PCDH15: variants seen among roughly 807,000 people sequenced by gnomAD.
PCDH15 encodes the protein protocadherin-15.
A neutral mutation model predicts 178.5 loss-of-function variants in PCDH15; 129 were observed. The ratio of observed to expected loss-of-function variants is 0.72; its 90% confidence interval spans 0.63 to 0.84. The LOEUF (loss-of-function observed/expected upper bound fraction) is 0.84, where lower values mean the gene tolerates loss of function less well. Ranked by LOEUF, PCDH15 falls within the 40% of genes least tolerant of loss-of-function variation. The probability of loss-of-function intolerance (pLI) is 0.00; values close to 1 mark genes in which losing one functional copy is unlikely to be tolerated. For synonymous variants in PCDH15, 800 were observed against 732.0 expected (o/e 1.09, Z -1.50); for missense variants, 2,230 against 2,099.9 (o/e 1.06, Z -1.21).
intron 29 of PCDH15, among the ~76,000 whole-genome samples, chr10:53,833,089 TTAGA>T (rs1295435184): frequency 6.6e-6 from 1 of 152,050 alleles, no homozygotes; most frequent in Non-Finnish European, 1.5e-5. Flanking sequence ...GAATTGTTTA[TTAGA>T]TAAAGGAAGA....
At chr10:54,903,697 C>T (rs1054627135) in intron 2 of PCDH15, among the ~76,000 whole-genome samples, 1 of 151,946 alleles carries the variant, frequency 6.6e-6, no homozygotes, top group Non-Finnish European at 1.5e-5. Flanking sequence ...GTAGGTATGA[C>T]CATGAAATTT....
At chr10:54,489,077 T>C (rs1049623509) in intron 3 of PCDH15, among the ~76,000 whole-genome samples, 1 of 152,096 alleles carries the variant, frequency 6.6e-6, no homozygotes, top group African/African-American at 2.4e-5. Context: ...CAGAGTTGTT[T>C]CCTGTGTGTT....
chr10:54,338,922 C>T (rs760269192), intron 6 of PCDH15, among the ~76,000 whole-genome samples: 1 of 152,096 alleles, frequency 6.6e-6, no homozygotes, highest in East Asian at 1.9e-4. Context: ...TCTTATCAAT[C>T]TTGCTAACAA....
intron 1 of PCDH15, among the ~76,000 whole-genome samples, chr10:54,752,488 AAAACAAAAAAC>A (rs1355303211): frequency 1.1e-5 from 1 of 92,008 alleles, no homozygotes; most frequent in African/African-American, 3.8e-5. Flanking sequence ...AAAAAAAAAA[AAAACAAAAAAC>A]AAAAAACAAA....
chr10:54,152,524 G>GA (rs990166985), intron 14 of PCDH15, among the ~76,000 whole-genome samples: 8 of 151,526 alleles, frequency 5.3e-5, no homozygotes, highest in African/African-American at 1.7e-4. Context: ...ATTGTGAATG[G>GA]AAAAAAACCC....
At chr10:53,985,979 C>T (rs552953079) in intron 21 of PCDH15, among the ~76,000 whole-genome samples, 11 of 152,106 alleles carry the variant, frequency 7.2e-5, no homozygotes, top group African/African-American at 2.7e-4. Flanking sequence ...TCACAGCAAC[C>T]CTATAAAGTA....
At chr10:55,500,351 T>C (rs1391504184) in intron 2 of PCDH15, among the ~76,000 whole-genome samples, 2 of 116,538 alleles carry the variant, frequency 1.7e-5, no homozygotes, top group Non-Finnish European at 3.8e-5. Context: ...TATTATCTTA[T>C]TTTTTAGATT....
chr10:55,175,090 T>C (rs1479100129), intron 1 of PCDH15, among the ~76,000 whole-genome samples: 2 of 151,770 alleles, frequency 1.3e-5, no homozygotes, highest in South Asian at 2.1e-4. Flanking sequence ...CCTTATCCAA[T>C]TGGAAAAACA....
intron 3 of PCDH15, among the ~76,000 whole-genome samples, chr10:54,818,712 G>A (rs181927653): frequency 1.5e-3 from 223 of 151,890 alleles, no homozygotes; most frequent in African/African-American, 5.1e-3. Flanking sequence ...CCCCCTCCCC[G>A]AGTGTTTTTG....
intron 3 of PCDH15, among the ~76,000 whole-genome samples, chr10:54,810,251 A>C (rs562842317): frequency 2.0e-5 from 3 of 152,136 alleles, no homozygotes; most frequent in Non-Finnish European, 4.4e-5. Flanking sequence ...TCGGATTCTC[A>C]TTCTTATCTC....
rs543645920 is a variant in PCDH15 at position 55,577,599 on chromosome 10, G to A, written c.-156+50026C>T. On this transcript the variant is annotated intron_variant, in intron 2 of 5. Coordinates refer to the PCDH15 transcript ENST00000613346. ...TTATGGCATTGTTTTATATAAAAAC[G>A]AAAAACACTGTTCTTATGGGTAACC... Among the ~76,000 whole-genome samples, 259 of 151,994 alleles carry A rather than the reference G, an allele frequency of 1.7e-3. 3 individuals carry two copies. Among genetic ancestry groups the A allele is most frequent in the African/African-American group, 6.1e-3 (252 of 41,488 alleles).
At chr10:55,610,916 T>C (rs1340677070) in intron 2 of PCDH15, among the ~76,000 whole-genome samples, 1 of 152,044 alleles carries the variant, frequency 6.6e-6, no homozygotes, top group African/African-American at 2.4e-5. Context: ...AGAGTGAAAT[T>C]ATACCTAAGC....
chr10:55,573,883 T>C (rs576739239), intron 2 of PCDH15, among the ~76,000 whole-genome samples: 1 of 151,894 alleles, frequency 6.6e-6, no homozygotes, highest in South Asian at 2.1e-4. Context: ...TTGTATATTA[T>C]TATAACGTTT....
intron 21 of PCDH15, among the ~76,000 whole-genome samples, chr10:53,965,577 G>A (rs2593135): frequency 0.71 from 107,755 of 152,020 alleles, 38,539 homozygotes; most frequent in East Asian, 0.87. Context: ...GAGCAAAAGT[G>A]CTTGGCAAAG....
At chr10:54,406,949 TA>T in intron 3 of PCDH15, among the ~76,000 whole-genome samples, 1 of 152,260 alleles carries the variant, frequency 6.6e-6, no homozygotes, top group African/African-American at 2.4e-5. Flanking sequence ...ACATTAATTA[TA>T]AACTGGAAGA....
intron 3 of PCDH15, among the ~76,000 whole-genome samples, chr10:54,880,779 G>T (rs957037601): frequency 3.4e-5 from 5 of 148,740 alleles, no homozygotes; most frequent in Non-Finnish European, 7.4e-5. Flanking sequence ...GTGCATACTA[G>T]ATTCTAGAAA....
chr10:55,379,952 C>G (rs566153575), intron 2 of PCDH15, among the ~76,000 whole-genome samples: 7 of 151,942 alleles, frequency 4.6e-5, no homozygotes, highest in African/African-American at 1.7e-4. Flanking sequence ...TAATACTAAC[C>G]AAAGAATAAA....
intron 2 of PCDH15, among the ~76,000 whole-genome samples, chr10:55,076,539 C>T (rs1341668340): frequency 6.6e-6 from 1 of 151,426 alleles, no homozygotes; most frequent in Non-Finnish European, 1.5e-5. Context: ...GCGACCTCTG[C>T]CTTCAAATGG....
At chr10:55,593,419 A>G (rs1303936891) in intron 2 of PCDH15, among the ~76,000 whole-genome samples, 2 of 151,978 alleles carry the variant, frequency 1.3e-5, no homozygotes, top group African/African-American at 4.8e-5. Context: ...AAAATCAGTA[A>G]GTTCAATTTT....
Sources: allele counts gnomAD v4.1 joint callset (sites outside exome capture counted in the v4.1 genomes callset), GRCh38; gene constraint gnomAD v4.1.1; transcripts MANE v1.5; gene names NCBI Gene and HGNC (gene_info 2026-07-23, HGNC 2026-07-21).